KCNU1: variants seen among roughly 807,000 people sequenced by gnomAD.
KCNU1 encodes potassium channel subfamily U member 1.
A neutral mutation model predicts 126.8 loss-of-function variants in KCNU1; 93 were observed. The ratio of observed to expected loss-of-function variants is 0.73; its 90% CI spans 0.62 to 0.87. The LOEUF (loss-of-function observed/expected upper bound fraction) is 0.87. Among genes scored for constraint, KCNU1 ranks in the 40% least tolerant of loss-of-function variants. The pLI, the probability that KCNU1 is intolerant of heterozygous loss-of-function variation, is 0.00. For synonymous variants in KCNU1, 523 were observed against 494.2 expected (o/e 1.06, Z -0.77); for missense variants, 1,330 against 1,367.1 (o/e 0.97, Z 0.43).
At chr8:36,920,730 G>A (rs539584948) in intron 23 of KCNU1, among the ~76,000 whole-genome samples, 23 of 152,324 alleles carry the variant, frequency 1.5e-4, no homozygotes, top group Admixed American at 2.0e-4. Flanking sequence ...GTGTGCGTGC[G>A]CGCACGTGCG....
chr8:36,935,437 C>A (rs1808821920), intron 26 of KCNU1, 78 bp from the exon 27 acceptor site: 6 of 1,164,452 alleles, frequency 5.2e-6, no homozygotes, highest in South Asian at 3.1e-5. Context: ...GCAAAATGAC[C>A]TCTTTATTTG....
chr8:36,836,236 A>G, intron 12 of KCNU1, 60 bp from the exon 13 acceptor site: 2 of 1,054,596 alleles, frequency 1.9e-6, no homozygotes, highest in Non-Finnish European at 2.9e-6. Flanking sequence ...GAATTAAATT[A>G]TATTACAAAG....
intron 8 of KCNU1, 114 bp downstream of exon 8, chr8:36,814,491 C>A: frequency 1.3e-6 from 1 of 761,666 alleles, no homozygotes; most frequent in Non-Finnish European, 2.1e-6. Context: ...TTACTTGGGG[C>A]ACATGTCAAG....
intron 24 of KCNU1, among the ~76,000 whole-genome samples, chr8:36,924,306 T>G (rs569032331): frequency 1.3e-5 from 2 of 152,352 alleles, no homozygotes; most frequent in South Asian, 2.1e-4. Context: ...GTTGATGAAC[T>G]TGCTGCCTCC....
chr8:36,899,834 C>T (rs936469808), intron 19 of KCNU1, among the ~76,000 whole-genome samples: 5 of 152,122 alleles, frequency 3.3e-5, no homozygotes, highest in African/African-American at 1.2e-4. Flanking sequence ...TTCTTTCCTC[C>T]TCTTCCTCCC....
At chr8:36,796,063 C>A (rs574767985) in intron 2 of KCNU1, among the ~76,000 whole-genome samples, 14 of 152,182 alleles carry the variant, frequency 9.2e-5, no homozygotes, top group African/African-American at 3.4e-4. Context: ...AGAGACTCTG[C>A]AAGTAATGCT....
intron 2 of KCNU1, chr8:36,795,437 G>T (rs1803060395): frequency 6.6e-6 from 1 of 152,556 alleles, no homozygotes; most frequent in Non-Finnish European, 1.5e-5. Flanking sequence ...CCAGGAAGTG[G>T]CTGGTCAACG....
At chr8:36,857,010 G>T (rs573850481) in intron 18 of KCNU1, among the ~76,000 whole-genome samples, 5 of 152,294 alleles carry the variant, frequency 3.3e-5, no homozygotes, top group Admixed American at 2.6e-4. Flanking sequence ...AGAGCTCTTT[G>T]TTCTTATGGC....
chr8:36,843,622 C>A (rs1026073165), intron 16 of KCNU1, among the ~76,000 whole-genome samples: 3 of 152,152 alleles, frequency 2.0e-5, no homozygotes, highest in Non-Finnish European at 4.4e-5. Context: ...CTGTAACCAC[C>A]CTGTAGTAAA....
intron 10 of KCNU1, among the ~76,000 whole-genome samples, chr8:36,833,061 A>C (rs1441421053): frequency 6.6e-6 from 1 of 152,092 alleles, no homozygotes; most frequent in Non-Finnish European, 1.5e-5. Context: ...TGAGGCTTTC[A>C]TTGTCTGTCA....
At chr8:36,856,910 AC>A (rs1419962453) in intron 18 of KCNU1, among the ~76,000 whole-genome samples, 3 of 152,202 alleles carry the variant, frequency 2.0e-5, no homozygotes, top group Non-Finnish European at 4.4e-5. Context: ...ATTGTTTACC[AC>A]CAAAATCACT....
intron 7 of KCNU1, among the ~76,000 whole-genome samples, chr8:36,813,546 T>G (rs1803799568): frequency 6.6e-6 from 1 of 150,688 alleles, no homozygotes; most frequent in Admixed American, 6.6e-5. Flanking sequence ...TATAAAAAAT[T>G]TATATATGAT....
chr8:36,837,998 AG>A, intron 14 of KCNU1, among the ~76,000 whole-genome samples: 1 of 152,328 alleles, frequency 6.6e-6, no homozygotes, highest in South Asian at 2.1e-4. Context: ...AAAAGAAGTA[AG>A]AGGTGCTCTG....
intron 9 of KCNU1, among the ~76,000 whole-genome samples, chr8:36,816,260 G>T (rs1259811623): frequency 2.0e-5 from 3 of 152,072 alleles, no homozygotes; most frequent in Non-Finnish European, 4.4e-5. Context: ...TTCCCAGGAG[G>T]AAAATGGAGT....
At chr8:36,868,135 A>AT (rs1805977611) in intron 19 of KCNU1, among the ~76,000 whole-genome samples, 1 of 152,138 alleles carries the variant, frequency 6.6e-6, no homozygotes, top group Non-Finnish European at 1.5e-5. Context: ...TCTCTGTGAT[A>AT]TTTCATCAAC....
chr8:36,923,032 C>T, intron 24 of KCNU1: 1 of 458,504 alleles, frequency 2.2e-6, no homozygotes, highest in South Asian at 1.5e-5. Flanking sequence ...GGAAGAAGCT[C>T]TGGCCTTTGC....
At chr8:36,800,324 T>A (rs968215850) in intron 2 of KCNU1, among the ~76,000 whole-genome samples, 1 of 152,166 alleles carries the variant, frequency 6.6e-6, no homozygotes, top group Non-Finnish European at 1.5e-5. Flanking sequence ...CTAAACAGGT[T>A]TTTTTAGATC....
intron 5 of KCNU1, 129 bp downstream of exon 5, chr8:36,806,509 A>G (rs1204661329): frequency 1.7e-6 from 1 of 601,328 alleles, no homozygotes; most frequent in East Asian, 2.9e-5. Flanking sequence ...TCACCTTAAT[A>G]GTATGGTTTT....
chr8:36,902,635 G>A (rs1030794510), intron 19 of KCNU1, among the ~76,000 whole-genome samples: 1 of 152,084 alleles, frequency 6.6e-6, no homozygotes, highest in Non-Finnish European at 1.5e-5. Flanking sequence ...AGGATCCTAG[G>A]GAGAGTGTCT....
Sources: gnomAD v4.1 joint callset for allele counts (sites outside exome capture counted in the v4.1 genomes callset) on GRCh38, gnomAD v4.1.1 for gene constraint, MANE v1.5 for transcripts, NCBI Gene and HGNC (gene_info 2026-07-23, HGNC 2026-07-21) for gene names.